The following CHD6 variants were observed in gnomAD, a reference collection of about 807,000 sequenced individuals.
CHD6 encodes chromodomain helicase DNA binding protein 6.
A neutral mutation model predicts 276.9 loss-of-function variants in CHD6; 50 were observed. That is an observed-to-expected ratio of 0.18 (90% CI 0.14 to 0.23). The LOEUF (loss-of-function observed/expected upper bound fraction) is 0.23, where lower values mean the gene tolerates loss of function less well. CHD6 is among the 10% of genes least tolerant of loss of function. The probability of loss-of-function intolerance (pLI) is 1.00; values close to 1 mark genes in which losing one functional copy is unlikely to be tolerated. For missense variants in CHD6, 2,564 were observed against 3,365.8 expected (o/e 0.76, Z 5.89); for synonymous variants, 1,173 against 1,229.3 (o/e 0.95, Z 0.96).
At chr20:41,527,591 C>T (rs999863317) in intron 3 of CHD6, among the ~76,000 whole-genome samples, 1 of 152,196 alleles carries the variant, frequency 6.6e-6, no homozygotes, top group African/African-American at 2.4e-5. Context: ...ATCTTTCCTG[C>T]TCACTCGGCT....
intron 3 of CHD6, among the ~76,000 whole-genome samples, chr20:41,516,173 T>C (rs964460273): frequency 3.3e-5 from 5 of 152,090 alleles, no homozygotes; most frequent in African/African-American, 1.2e-4. Context: ...TGGTAATTTT[T>C]TTTTTTTTTA....
intron 2 of CHD6, chr20:41,547,305 T>A (rs984790977): frequency 1.6e-5 from 3 of 190,214 alleles, no homozygotes; most frequent in African/African-American, 2.3e-5. Context: ...TATGATTACT[T>A]CCATTTAAAT....
intron 1 of CHD6, among the ~76,000 whole-genome samples, chr20:41,607,799 C>T (rs886169882): frequency 3.3e-5 from 5 of 149,704 alleles, no homozygotes; most frequent in Non-Finnish European, 5.9e-5. Context: ...ATTAAAAAAG[C>T]TCAGTGCTTT....
At chr20:41,552,109 C>T (rs1336459976) in intron 1 of CHD6, among the ~76,000 whole-genome samples, 1 of 152,152 alleles carries the variant, frequency 6.6e-6, no homozygotes, top group Non-Finnish European at 1.5e-5. Flanking sequence ...TCTAGGAAAC[C>T]CAGAATTTGG....
intron 1 of CHD6, among the ~76,000 whole-genome samples, chr20:41,603,849 A>G (rs1256807594): frequency 2.6e-5 from 4 of 152,230 alleles, no homozygotes; most frequent in Admixed American, 6.5e-5. Flanking sequence ...AGCCTGGGCA[A>G]AAGAGCAAGA....
intron 31 of CHD6, 52 bp downstream of exon 31, chr20:41,420,456 G>T (rs571290511): frequency 7.0e-5 from 107 of 1,537,954 alleles, no homozygotes; most frequent in Non-Finnish European, 8.4e-5. Context: ...CCAACCCCCC[G>T]TCGTGTGTGA....
At chr20:41,602,697 C>T (rs75599156) in intron 1 of CHD6, among the ~76,000 whole-genome samples, 3,955 of 152,192 alleles carry the variant, frequency 0.026, 79 homozygotes, top group Non-Finnish European at 0.039. Context: ...AATTTTATAG[C>T]ATGTAAATTA....
chr20:41,531,563 C>T (rs1439254287), intron 3 of CHD6, among the ~76,000 whole-genome samples: 1 of 152,148 alleles, frequency 6.6e-6, no homozygotes, highest in Non-Finnish European at 1.5e-5. Flanking sequence ...TTTAGTTAGG[C>T]AGAATCCTGA....
chr20:41,433,234 G>A (rs1322466050), intron 27 of CHD6, among the ~76,000 whole-genome samples: 1 of 152,146 alleles, frequency 6.6e-6, no homozygotes, highest in Admixed American at 6.6e-5. Flanking sequence ...TTCACATTTA[G>A]CAAAAGACAG....
chr20:41,440,190 G>A (rs1434206185), intron 25 of CHD6, 61 bp from the exon 26 acceptor site: 21 of 1,489,176 alleles, frequency 1.4e-5, no homozygotes, highest in Non-Finnish European at 1.5e-5. Flanking sequence ...TTTGCTTTGG[G>A]CACTAGTCTT....
intron 1 of CHD6, among the ~76,000 whole-genome samples, chr20:41,581,042 T>C (rs142167822): frequency 8.5e-5 from 13 of 152,352 alleles, no homozygotes; most frequent in African/African-American, 2.9e-4. Flanking sequence ...TCCACACTGA[T>C]AGATGGCTTT....
intron 34 of CHD6, 92 bp downstream of exon 34, chr20:41,415,094 A>C: frequency 6.7e-7 from 1 of 1,497,246 alleles, no homozygotes; most frequent in Non-Finnish European, 9.0e-7. Flanking sequence ...TAGAGATAAA[A>C]GATCCACAAA....
chr20:41,429,619 G>T (rs2047471788), intron 27 of CHD6, among the ~76,000 whole-genome samples: 1 of 152,222 alleles, frequency 6.6e-6, no homozygotes, highest in Non-Finnish European at 1.5e-5. Flanking sequence ...TTAAGGTCAT[G>T]AGCTGGTCTC....
At position 41,498,209 on chromosome 20, in the gene CHD6, A is replaced by T; in HGVS notation, c.933T>A (p.Pro311=). 1 of 1,611,758 alleles carries T rather than the reference A, an allele frequency of 6.2e-7. No individual in the cohort carries two copies. The highest frequency in any genetic ancestry group is 8.5e-7 in the Non-Finnish European group (1 of 1,179,102). The change falls in exon 7 of 37, where the codon CCT becomes CCA. Residue 311 remains proline (P), a synonymous_variant. Coordinates refer to ENST00000373233, the MANE Select transcript of CHD6 (RefSeq NM_032221.5). ...CGTAGAACAGCTCCAAGTCGAACGGAGGTTCTCCTGGGTGAACCTGTAACA... is the reference window on the plus strand; with the variant it reads ...CGTAGAACAGCTCCAAGTCGAACGGTGGTTCTCCTGGGTGAACCTGTAACA... ...KTVQEVHPGE[P]PFDLELFYVK...
At chr20:41,527,048 G>T (rs916786780) in intron 3 of CHD6, among the ~76,000 whole-genome samples, 1 of 152,174 alleles carries the variant, frequency 6.6e-6, no homozygotes, top group East Asian at 1.9e-4. Context: ...TTGCAAGAAA[G>T]AATATGAACC....
chr20:41,541,616 G>T (rs1356811602), intron 2 of CHD6, among the ~76,000 whole-genome samples: 1 of 152,212 alleles, frequency 6.6e-6, no homozygotes, highest in African/African-American at 2.4e-5. Context: ...AAGAAACAGT[G>T]AGATAAGTGA....
intron 5 of CHD6, 21 bp from the exon 6 acceptor site, chr20:41,499,378 A>C (rs1414001695): frequency 3.2e-6 from 5 of 1,563,396 alleles, no homozygotes; most frequent in Non-Finnish European, 4.3e-6. Context: ...AGATAAAAAA[A>C]AAAGAAAATT....
intron 1 of CHD6, chr20:41,564,084 C>T (rs775184707): frequency 2.6e-6 from 2 of 779,254 alleles, no homozygotes; most frequent in Admixed American, 3.4e-5. Flanking sequence ...TATTTGATCT[C>T]CCTGGGTCTC....
chr20:41,551,185 A>G, intron 2 of CHD6, 120 bp downstream of exon 2: 1 of 704,058 alleles, frequency 1.4e-6, no homozygotes, highest in Non-Finnish European at 2.5e-6. Context: ...TTACTATAAT[A>G]CAGGCAACAG....
Sources: gnomAD v4.1 joint callset for allele counts (sites outside exome capture counted in the v4.1 genomes callset) on GRCh38, gnomAD v4.1.1 for gene constraint, MANE v1.5 for transcripts, NCBI Gene and HGNC (gene_info 2026-07-23, HGNC 2026-07-21) for gene names.